Variants in SNTB1 observed in about 807,000 individuals in gnomAD.
SNTB1 encodes the protein beta-1-syntrophin.
In SNTB1, 36 loss-of-function variants were observed where a neutral mutation model predicts 48.9. That is an observed-to-expected ratio of 0.74 (90% CI 0.56 to 0.97). The LOEUF (loss-of-function observed/expected upper bound fraction) is 0.97. Ranked by LOEUF, SNTB1 falls within the 50% of genes least tolerant of loss-of-function variation. The pLI, the probability that SNTB1 is intolerant of heterozygous loss-of-function variation, is 0.00. For synonymous variants in SNTB1, 299 were observed against 294.6 expected (o/e 1.01, Z -0.15); for missense variants, 786 against 703.4 (o/e 1.12, Z -1.33).
At chr8:120,784,866 G>A (rs1357625572) in intron 1 of SNTB1, among the ~76,000 whole-genome samples, 1 of 152,234 alleles carries the variant, frequency 6.6e-6, no homozygotes, top group Non-Finnish European at 1.5e-5. Context: ...TGAACCAGGA[G>A]AAAAACTGAG....
At chr8:120,583,275 C>CG (rs1282033203) in intron 3 of SNTB1, among the ~76,000 whole-genome samples, 1 of 151,918 alleles carries the variant, frequency 6.6e-6, no homozygotes, top group African/African-American at 2.4e-5. Context: ...AGGCCAAGGT[C>CG]GGGGGGATCA....
chr8:120,646,234 TC>T (rs1217220932), intron 2 of SNTB1, among the ~76,000 whole-genome samples: 6 of 130,282 alleles, frequency 4.6e-5, no homozygotes, highest in African/African-American at 1.7e-4. Flanking sequence ...GGCATCCCTG[TC>T]TTGTGCCAGT....
intron 2 of SNTB1, among the ~76,000 whole-genome samples, chr8:120,636,590 G>A (rs1476154260): frequency 1.4e-5 from 2 of 147,748 alleles, no homozygotes; most frequent in African/African-American, 2.5e-5. Context: ...TTTTATGGCT[G>A]CATAGTATTC....
In SNTB1 at chr8:120,777,502, C is replaced by T. The variant is rs549792649; in HGVS notation, c.571+33771G>A. On this transcript the variant is annotated intron_variant, in intron 1 of 6. Transcript: ENST00000517992. ...CTCAAAACGATAGGCCCCTTTCTCC[C>T]AATTTGCCATGGATATGTCCCAAAC... is the stretch of plus-strand genomic sequence containing the variant. Among the ~76,000 whole-genome samples, 15 of 152,292 alleles carry T rather than the reference C, an allele frequency of 9.8e-5. 1 individual carries two copies. In the South Asian group the frequency reaches 2.5e-3, roughly 25 times the overall value.
chr8:120,602,501 C>A (rs990505281), intron 3 of SNTB1, among the ~76,000 whole-genome samples: 1 of 152,192 alleles, frequency 6.6e-6, no homozygotes, highest in Non-Finnish European at 1.5e-5. Flanking sequence ...AGGAATTCTG[C>A]CTCTACACTG....
In SNTB1 at chr8:120,811,865, C is replaced by T. The variant is rs1161513886; in HGVS notation, c.-22G>A. The T allele has an allele frequency of 3.0e-6, 4 of 1,330,712 alleles. No individual in the cohort carries two copies. The highest frequency in any genetic ancestry group is 3.8e-6 in the Non-Finnish European group (4 of 1,044,364). The allele number at this position is 1,330,712 out of a possible 1,614,324, so 82.4% of individuals were successfully genotyped here. A position where few individuals can be genotyped will look rare whatever the true frequency, so the allele number is the denominator to read the frequency against. On this transcript the variant is annotated 5_prime_UTR_variant, in exon 1 of 7. Coordinates refer to ENST00000517992, the MANE Select transcript of SNTB1 (RefSeq NM_021021.4). ...CCATCTTTCCGGCATTCTTAAAATG[C>T]CATGTGATTGGAAAAGGGGGGAAAA...
At position 120,669,443 on chromosome 8, in the gene SNTB1, G is replaced by GTTT. The variant is rs1182227923; in HGVS notation, c.788+24246_788+24248dup. 7.4e-3 allele frequency among the ~76,000 whole-genome samples: 606 copies of GTTT among 82,282 alleles called. 192 individuals carry two copies. Among genetic ancestry groups the GTTT allele is most frequent in the African/African-American group, 0.049 (359 of 7,318 alleles). The allele number at this position is 82,282 out of a possible 152,430, so 54.0% of individuals were successfully genotyped here. On this transcript the variant is annotated intron_variant, in intron 2 of 6. Coordinates refer to ENST00000517992, the MANE Select transcript of SNTB1 (RefSeq NM_021021.4). ...TGATCTATTCAAAATGAAAATGCTT[G>GTTT]TTTTTTTTTTTTTTTTTTTTGAGAC...
chr8:120,576,484 A>G (rs916238909), intron 3 of SNTB1, among the ~76,000 whole-genome samples: 20 of 152,220 alleles, frequency 1.3e-4, no homozygotes, highest in African/African-American at 4.6e-4. Context: ...ATCAAAGTAG[A>G]GAAGATTTAC....
intron 2 of SNTB1, among the ~76,000 whole-genome samples, chr8:120,671,025 A>T (rs1202361608): frequency 1.3e-5 from 2 of 152,332 alleles, no homozygotes; most frequent in Non-Finnish European, 1.5e-5. Context: ...CCTTTGTTTG[A>T]TTATTTCAAA....
chr8:120,598,896 T>C (rs2130716517), intron 3 of SNTB1, among the ~76,000 whole-genome samples: 2 of 152,240 alleles, frequency 1.3e-5, no homozygotes, highest in South Asian at 4.2e-4. Flanking sequence ...TCCTCCTCTG[T>C]GTGAAGTCTC....
At chr8:120,811,140 C>CT (rs1205096797) in intron 1 of SNTB1, 133 bp downstream of exon 1, 1 of 1,263,318 alleles carries the variant, frequency 7.9e-7, no homozygotes, top group African/African-American at 1.5e-5. Flanking sequence ...TTCCCCCCCC[C>CT]CCAACACACA....
At chr8:120,543,177 G>A (rs1324945315) in intron 5 of SNTB1, among the ~76,000 whole-genome samples, 1 of 152,170 alleles carries the variant, frequency 6.6e-6, no homozygotes, top group Non-Finnish European at 1.5e-5. Flanking sequence ...TTCCTATTTA[G>A]GAAGACTTGT....
intron 3 of SNTB1, among the ~76,000 whole-genome samples, chr8:120,584,730 G>A (rs114065962): frequency 0.011 from 1,628 of 152,218 alleles, 38 homozygotes; most frequent in African/African-American, 0.038. Context: ...TGGAAATAGG[G>A]TCGTCGCAGA....
At chr8:120,582,434 G>A (rs943613376) in intron 3 of SNTB1, among the ~76,000 whole-genome samples, 7 of 152,016 alleles carry the variant, frequency 4.6e-5, no homozygotes, top group African/African-American at 1.2e-4. Flanking sequence ...ATAAAGACCA[G>A]TGCAGAAATC....
chr8:120,684,050 G>A (rs1186427689), intron 2 of SNTB1, among the ~76,000 whole-genome samples: 2 of 152,110 alleles, frequency 1.3e-5, no homozygotes, highest in Non-Finnish European at 1.5e-5. Flanking sequence ...ACAGTTCTGG[G>A]GACTGGAAAG....
intron 1 of SNTB1, among the ~76,000 whole-genome samples, chr8:120,730,349 G>A (rs888542030): frequency 1.3e-5 from 2 of 151,882 alleles, no homozygotes; most frequent in Admixed American, 1.3e-4. Context: ...TAGTATTTTT[G>A]TAGAGTATTT....
intron 2 of SNTB1, among the ~76,000 whole-genome samples, chr8:120,683,203 G>A (rs1039178624): frequency 3.3e-5 from 5 of 151,944 alleles, no homozygotes; most frequent in African/African-American, 1.2e-4. Context: ...TAAATTGAAT[G>A]GTAAATGTTT....
At chr8:120,666,543 G>A (rs746746192) in intron 2 of SNTB1, among the ~76,000 whole-genome samples, 2 of 151,836 alleles carry the variant, frequency 1.3e-5, no homozygotes, top group Non-Finnish European at 2.9e-5. Flanking sequence ...CTGGTGTTGA[G>A]CTTTGTGATT....
chr8:120,779,768 G>A (rs1422319208), intron 1 of SNTB1, among the ~76,000 whole-genome samples: 1 of 152,166 alleles, frequency 6.6e-6, no homozygotes, highest in Admixed American at 6.5e-5. Context: ...TTACCTAGAA[G>A]GGAGTTTGAC....
Sources: gnomAD v4.1 joint callset for allele counts (sites outside exome capture counted in the v4.1 genomes callset) on GRCh38, gnomAD v4.1.1 for gene constraint, MANE v1.5 for transcripts, NCBI Gene and HGNC (gene_info 2026-07-23, HGNC 2026-07-21) for gene names.